The following FHIT variants were observed in gnomAD, a reference collection of about 807,000 sequenced individuals.
FHIT encodes the protein bis(5'-adenosyl)-triphosphatase.
In FHIT, 19 loss-of-function variants were observed where a neutral mutation model predicts 17.9. That is an observed-to-expected ratio of 1.06 (90% CI 0.74 to 1.56). FHIT has a LOEUF of 1.56. FHIT is among the 40% of genes most tolerant of loss of function. The pLI is 0.00. For missense variants in FHIT, 248 were observed against 189.2 expected (o/e 1.31, Z -1.82); for synonymous variants, 81 against 69.7 (o/e 1.16, Z -0.81).
At chr3:61,212,133 C>T (rs531270018) in intron 1 of FHIT, among the ~76,000 whole-genome samples, 16 of 152,248 alleles carry the variant, frequency 1.1e-4, no homozygotes, top group African/African-American at 2.4e-4. Context: ...TCACCAGCAA[C>T]GGAATAAAGC....
intron 5 of FHIT, among the ~76,000 whole-genome samples, chr3:60,419,364 C>T (rs1279187506): frequency 6.6e-6 from 1 of 152,158 alleles, no homozygotes; most frequent in Non-Finnish European, 1.5e-5. Flanking sequence ...GTGCTTGTTT[C>T]CTTAGTCATT....
At chr3:60,830,093 T>G (rs958025721) in intron 3 of FHIT, among the ~76,000 whole-genome samples, 3 of 151,958 alleles carry the variant, frequency 2.0e-5, no homozygotes, top group Admixed American at 1.3e-4. Flanking sequence ...CATACCCTTC[T>G]TTTTTTTCTT....
chr3:60,655,065 G>A (rs1290102302), intron 4 of FHIT, among the ~76,000 whole-genome samples: 1 of 152,132 alleles, frequency 6.6e-6, no homozygotes, highest in African/African-American at 2.4e-5. Context: ...ATGTTATGGT[G>A]GGAGCATGTG....
intron 5 of FHIT, among the ~76,000 whole-genome samples, chr3:60,231,715 G>T (rs1704504506): frequency 6.6e-6 from 1 of 152,146 alleles, no homozygotes; most frequent in African/African-American, 2.4e-5. Flanking sequence ...TATCAGTAAA[G>T]TATTATTATT....
intron 5 of FHIT, among the ~76,000 whole-genome samples, chr3:60,439,599 T>C (rs2030610846): frequency 6.6e-6 from 1 of 152,026 alleles, no homozygotes; most frequent in African/African-American, 2.4e-5. Flanking sequence ...CAGTGATTCC[T>C]CCAGGCACAT....
At position 60,263,714 on chromosome 3, in the gene FHIT, T is replaced by C. The variant is rs115131681; in HGVS notation, c.104-249562A>G. On this transcript the variant is annotated intron_variant, in intron 5 of 9. Coordinates refer to ENST00000492590, the MANE Select transcript of FHIT (RefSeq NM_002012.4). The stretch of plus-strand genomic sequence containing the variant: ...AAAACTGTGGAAGAAACTTATTGAT[T>C]TGATGACAGTATTCTACAGTAATCC... 4.8e-3 allele frequency among the ~76,000 whole-genome samples: 732 copies of C among 152,052 alleles called. 3 individuals carry two copies. Among genetic ancestry groups the C allele is most frequent in the African/African-American group, 0.016 (685 of 41,536 alleles).
intron 3 of FHIT, among the ~76,000 whole-genome samples, chr3:60,999,377 T>C (rs1479717681): frequency 6.6e-6 from 1 of 151,740 alleles, no homozygotes; most frequent in East Asian, 1.9e-4. Flanking sequence ...GATTCCAAGC[T>C]ACAGTTCTTA....
chr3:60,257,113 T>C (rs1158382136), intron 5 of FHIT, among the ~76,000 whole-genome samples: 1 of 152,200 alleles, frequency 6.6e-6, no homozygotes, highest in African/African-American at 2.4e-5. Context: ...TTTATAAACA[T>C]GCCTGTTGTT....
chr3:61,124,001 G>C (rs1334286573), intron 2 of FHIT, among the ~76,000 whole-genome samples: 1 of 152,130 alleles, frequency 6.6e-6, no homozygotes, highest in African/African-American at 2.4e-5. Flanking sequence ...TCACTATTGG[G>C]AGCATGGAGA....
intron 5 of FHIT, among the ~76,000 whole-genome samples, chr3:60,171,936 G>T (rs750467819): frequency 3.2e-4 from 49 of 152,058 alleles, no homozygotes; most frequent in Non-Finnish European, 4.6e-4. Flanking sequence ...TGGCCTCAGT[G>T]ATCCCTCTTG....
intron 5 of FHIT, among the ~76,000 whole-genome samples, chr3:60,376,243 G>A (rs1481914864): frequency 6.6e-6 from 1 of 152,124 alleles, no homozygotes; most frequent in African/African-American, 2.4e-5. Context: ...CCCCATGCTT[G>A]ACACATAGTG....
At chr3:60,797,659 G>A (rs2108135800) in intron 4 of FHIT, among the ~76,000 whole-genome samples, 1 of 149,998 alleles carries the variant, frequency 6.7e-6, no homozygotes, top group South Asian at 2.2e-4. Flanking sequence ...AATTTAGGTT[G>A]CAACATAACA....
chr3:60,719,607 C>G (rs954227445), intron 4 of FHIT, among the ~76,000 whole-genome samples: 5 of 152,182 alleles, frequency 3.3e-5, no homozygotes, highest in African/African-American at 4.8e-5. Context: ...GCGTCAGCAG[C>G]ATTTGGGGCT....
intron 8 of FHIT, among the ~76,000 whole-genome samples, chr3:59,759,233 G>C (rs999795310): frequency 3.3e-5 from 5 of 151,982 alleles, no homozygotes; most frequent in Non-Finnish European, 7.4e-5. Context: ...TTTGCACCCT[G>C]TGGGCAGGGC....
intron 7 of FHIT, among the ~76,000 whole-genome samples, chr3:59,974,306 T>G (rs557940042): frequency 7.6e-4 from 116 of 152,296 alleles, no homozygotes; most frequent in African/African-American, 2.3e-3. Context: ...CTTCGTACAG[T>G]AAGTCCAGGA....
intron 4 of FHIT, among the ~76,000 whole-genome samples, chr3:60,789,175 T>TATATATAGAG (rs1433649739): frequency 1.9e-5 from 2 of 102,634 alleles, no homozygotes; most frequent in Admixed American, 1.0e-4. Context: ...TATATATATA[T>TATATATAGAG]AGAGAGAGAG....
chr3:60,605,934 T>C (rs962070966), intron 4 of FHIT, among the ~76,000 whole-genome samples: 4 of 152,154 alleles, frequency 2.6e-5, no homozygotes, highest in African/African-American at 4.8e-5. Context: ...AACACTATAG[T>C]ATCTGACTGC....
At chr3:60,615,752 TTTGTAGAAGTC>T (rs1237369083) in intron 4 of FHIT, among the ~76,000 whole-genome samples, 2 of 152,172 alleles carry the variant, frequency 1.3e-5, no homozygotes, top group African/African-American at 4.8e-5. Context: ...AAAAAGACAT[TTTGTAGAAGTC>T]TTATTCAAAT....
chr3:61,126,118 G>A (rs896280450), intron 2 of FHIT, among the ~76,000 whole-genome samples: 3 of 151,974 alleles, frequency 2.0e-5, no homozygotes, highest in Non-Finnish European at 4.4e-5. Flanking sequence ...GCTTCTGGTT[G>A]GTATCTATGG....
Sources: gnomAD v4.1 joint callset for allele counts (sites outside exome capture counted in the v4.1 genomes callset) on GRCh38, gnomAD v4.1.1 for gene constraint, MANE v1.5 for transcripts, NCBI Gene and HGNC (gene_info 2026-07-23, HGNC 2026-07-21) for gene names.